The following UNC50 variants were observed in gnomAD, a reference collection of about 807,000 sequenced individuals.
UNC50 encodes the protein unc-50 inner nuclear membrane RNA binding protein.
UNC50 carries 24 observed loss-of-function variants against 31.5 expected under a neutral mutation model. That is an observed-to-expected ratio of 0.76 (90% confidence interval 0.55 to 1.07). The LOEUF is 1.07. UNC50 is among the 50% of genes least tolerant of loss of function. The probability of loss-of-function intolerance (pLI) is 0.00; values close to 1 mark genes in which losing one functional copy is unlikely to be tolerated. For missense variants in UNC50, 245 were observed against 304.2 expected (o/e 0.81, Z 1.45); for synonymous variants, 118 against 114.7 (o/e 1.03, Z -0.18).
Position 98,609,864 on chromosome 2 carries a change from GAGA to G in UNC50, c.108_110del (p.Arg37del). 1 of 1,614,222 alleles carries G rather than the reference GAGA, an allele frequency of 6.2e-7. No homozygotes were observed. On this transcript the variant is annotated inframe_deletion, in exon 2 of 6. Coordinates refer to ENST00000357765, the MANE Select transcript of UNC50 (RefSeq NM_014044.7). Reference sequence around the variant, plus strand: ...CCGGAGCGAAACGCTACAAATATCTGAGAAGGCTTTTCCGCTTTCGGCAAATGG... The same window carrying G: ...CCGGAGCGAAACGCTACAAATATCTGAGGCTTTTCCGCTTTCGGCAAATGG...
At chr2:98,611,036 A>G (rs1390546090) in intron 3 of UNC50, 141 bp downstream of exon 3, 6 of 1,042,232 alleles carry the variant, frequency 5.8e-6, no homozygotes, top group East Asian at 2.7e-5. Context: ...GATTATTACA[A>G]TTTTCCCTCC....
intron 4 of UNC50, 21 bp downstream of exon 4, chr2:98,616,367 G>T (rs754510926): frequency 1.2e-6 from 2 of 1,613,830 alleles, no homozygotes; most frequent in South Asian, 1.1e-5. Flanking sequence ...GTTAATTAGA[G>T]TATTATCCAA....
chr2:98,618,138 T>TTTAA, intron 5 of UNC50, 30 bp from the exon 6 acceptor site: 1 of 1,465,994 alleles, frequency 6.8e-7, no homozygotes, highest in African/African-American at 1.4e-5. Flanking sequence ...TTTTTTTTTT[T>TTTAA]AAATCAGTTT....
intron 1 of UNC50, 31 bp from the exon 2 acceptor site, chr2:98,609,725 C>T (rs1700789309): frequency 1.2e-6 from 2 of 1,612,840 alleles, no homozygotes; most frequent in African/African-American, 1.3e-5. Flanking sequence ...CTTCAGAATA[C>T]GTGTAAAAGA....
intron 3 of UNC50, among the ~76,000 whole-genome samples, chr2:98,612,963 T>C (rs1700860475): frequency 6.6e-6 from 1 of 152,228 alleles, no homozygotes; most frequent in Non-Finnish European, 1.5e-5. Context: ...CATATGCTGC[T>C]GGAAAAATGG....
In UNC50 at chr2:98,616,452, T is replaced by C; in HGVS notation, c.562T>C (p.Phe188Leu). ...FINHVILTDT[F>L]IGYLVGNTLW... The stretch of plus-strand genomic sequence containing the variant: ...GGCAGATGTTATCCTGACAGACACA[T>C]TTATTGGATATTTAGTTGGAAATAC... The change falls in exon 5 of 6, where the codon TTT becomes CTT. Residue 188 changes from phenylalanine to leucine, a missense_variant. Physicochemically the swap from Phe to Leu is conservative, Grantham distance 22. Coordinates refer to ENST00000357765, the MANE Select transcript of UNC50 (RefSeq NM_014044.7). The C allele has an allele frequency of 1.2e-6, 2 of 1,614,102 alleles. No homozygotes were observed. Among genetic ancestry groups the C allele is most frequent in the Non-Finnish European group, 1.7e-6 (2 of 1,179,970 alleles).
intron 3 of UNC50, among the ~76,000 whole-genome samples, chr2:98,615,948 A>T (rs1328346759): frequency 6.6e-6 from 1 of 152,110 alleles, no homozygotes; most frequent in African/African-American, 2.4e-5. Context: ...CCCAAATGTT[A>T]CTTTATGACC....
chr2:98,614,264 T>A (rs1191311596), intron 3 of UNC50, among the ~76,000 whole-genome samples: 1 of 151,932 alleles, frequency 6.6e-6, no homozygotes. Flanking sequence ...AGTATGGTGG[T>A]GATAGGAATA....
At chr2:98,615,658 T>G (rs1700907805) in intron 3 of UNC50, among the ~76,000 whole-genome samples, 1 of 152,218 alleles carries the variant, frequency 6.6e-6, no homozygotes, top group Non-Finnish European at 1.5e-5. Context: ...GTCTTGTCTC[T>G]GGAGTCTGTT....
intron 3 of UNC50, among the ~76,000 whole-genome samples, chr2:98,612,976 C>CA (rs1700860716): frequency 6.6e-6 from 1 of 152,186 alleles, no homozygotes; most frequent in African/African-American, 2.4e-5. Context: ...AAAAATGGCA[C>CA]AGGCAGACTT....
chr2:98,609,376 C>G (rs1437366265), intron 1 of UNC50: 1 of 304,944 alleles, frequency 3.3e-6, no homozygotes, highest in Non-Finnish European at 6.2e-6. Flanking sequence ...AAACTGCTTT[C>G]TTAGGCATTT....
At chr2:98,617,218 C>T (rs192077540) in intron 5 of UNC50, among the ~76,000 whole-genome samples, 2 of 152,288 alleles carry the variant, frequency 1.3e-5, no homozygotes, top group Admixed American at 1.3e-4. Context: ...CTGCGCTGTA[C>T]GTTTCTTACC....
Position 98,616,539 on chromosome 2 carries a change from T to A in UNC50, c.643+6T>A. ...AACTTTCCTGGGATACAGTGGTAAG[T>A]AATTTTTTTAAATGTTTTTGGTTGA... On this transcript the variant is annotated splice_donor_region_variant and intron_variant, in intron 5 of 5. Transcript: ENST00000357765. 6.2e-7 allele frequency: 1 copy of A among 1,607,080 alleles called. No homozygotes were observed. The highest frequency in any genetic ancestry group is 8.5e-7 in the Non-Finnish European group (1 of 1,174,576).
At chr2:98,616,595 G>A in intron 5 of UNC50, 62 bp downstream of exon 5, 1 of 1,360,424 alleles carries the variant, frequency 7.4e-7, no homozygotes, top group South Asian at 1.2e-5. Flanking sequence ...AGTTGTAACA[G>A]TAGTACAAAC....
chr2:98,616,569 A>T, intron 5 of UNC50, 36 bp downstream of exon 5: 1 of 1,551,250 alleles, frequency 6.4e-7, no homozygotes, highest in Non-Finnish European at 8.9e-7. Context: ...GGTTGAGAAC[A>T]TAGCAAGAGG....
chr2:98,614,293 G>A (rs1191042187), intron 3 of UNC50, among the ~76,000 whole-genome samples: 2 of 152,148 alleles, frequency 1.3e-5, no homozygotes, highest in East Asian at 1.9e-4. Flanking sequence ...AGATGGATTC[G>A]AGAGCTTCCT....
At chr2:98,617,052 C>T (rs931953867) in intron 5 of UNC50, among the ~76,000 whole-genome samples, 5 of 152,156 alleles carry the variant, frequency 3.3e-5, no homozygotes, top group African/African-American at 9.7e-5. Context: ...CACAGAAGAT[C>T]GGGCCCAACA....
intron 1 of UNC50, chr2:98,609,477 C>T: frequency 1.9e-6 from 1 of 519,518 alleles, no homozygotes; most frequent in Non-Finnish European, 3.5e-6. Context: ...GGGGCAGTCA[C>T]ATCATCCCTG....
intron 3 of UNC50, among the ~76,000 whole-genome samples, chr2:98,611,676 T>G (rs1290284701): frequency 1.3e-5 from 2 of 152,216 alleles, no homozygotes; most frequent in African/African-American, 4.8e-5. Flanking sequence ...AGATTTATTT[T>G]CTGCATACTA....
Sources: gnomAD v4.1 joint callset for allele counts (sites outside exome capture counted in the v4.1 genomes callset) on GRCh38, gnomAD v4.1.1 for gene constraint, MANE v1.5 for transcripts, NCBI Gene and HGNC (gene_info 2026-07-23, HGNC 2026-07-21) for gene names.